EIF4E: variants seen among roughly 807,000 people sequenced by gnomAD.
The protein encoded by EIF4E is eukaryotic translation initiation factor 4E.
For missense variants in EIF4E, 113 were observed against 265.6 expected (o/e 0.43, Z 3.99); for synonymous variants, 71 against 88.5 (o/e 0.80, Z 1.11).
rs1319490808 is a variant in EIF4E, at chr4:98,917,119, CACACACACACACACAA to C, written c.18+11960_18+11975del. 6.8e-4 allele frequency among the ~76,000 whole-genome samples: 41 copies of C among 59,986 alleles called. 1 individual carries two copies. The highest frequency in any genetic ancestry group is 2.8e-3 in the African/African-American group (35 of 12,454). The allele number at this position is 59,986 out of a possible 152,430, so 39.4% of individuals were successfully genotyped here. A position where few individuals can be genotyped will look rare whatever the true frequency, so the allele number is the denominator to read the frequency against. On this transcript the variant is annotated intron_variant, in intron 1 of 6. Transcript: ENST00000450253. ...ACACACACACACACACACACACACA[CACACACACACACACAA>C]AAAAAACCCAAATGCTCAAGTGTCC... is the stretch of plus-strand genomic sequence containing the variant.
In EIF4E at chr4:98,880,003, TAAG is replaced by T. The variant is rs1481983022; in HGVS notation, c.*1022_*1024del. The T allele has an allele frequency of 1.3e-5, 2 of 152,546 alleles. No homozygotes were observed. The highest frequency in any genetic ancestry group is 2.4e-5 in the African/African-American group (1 of 41,442). 9.4% of individuals were successfully genotyped at this position (152,546 alleles called of 1,614,324 possible). On this transcript the variant is annotated 3_prime_UTR_variant, in exon 7 of 7. Transcript: ENST00000450253. ...ACATAATATAGAGACTGCCTTGCAATAAGAAGTACAAATTCCTTCTATAAAGAT... is the reference window on the plus strand; with the variant it reads ...ACATAATATAGAGACTGCCTTGCAATAAGTACAAATTCCTTCTATAAAGAT...
At chr4:98,911,792 A>G (rs998122223) in intron 1 of EIF4E, among the ~76,000 whole-genome samples, 6 of 151,382 alleles carry the variant, frequency 4.0e-5, no homozygotes, top group Non-Finnish European at 1.5e-5. Flanking sequence ...TGCACATATT[A>G]TATAGCTTAA....
At chr4:98,897,880 G>T (rs1312504802) in intron 2 of EIF4E, among the ~76,000 whole-genome samples, 1 of 152,156 alleles carries the variant, frequency 6.6e-6, no homozygotes, top group African/African-American at 2.4e-5. Flanking sequence ...ATAAGAAAAT[G>T]TGTCAACATT....
At chr4:98,928,099 C>G (rs1375718463) in intron 1 of EIF4E, among the ~76,000 whole-genome samples, 3 of 152,184 alleles carry the variant, frequency 2.0e-5, no homozygotes, top group African/African-American at 7.2e-5. Flanking sequence ...TAAACTGCGT[C>G]TCAGAAATCT....
intron 6 of EIF4E, among the ~76,000 whole-genome samples, chr4:98,883,870 T>C (rs2110175490): frequency 6.6e-6 from 1 of 151,902 alleles, no homozygotes; most frequent in East Asian, 1.9e-4. Context: ...AAACCTCTTC[T>C]CTACAAAAAA....
intron 2 of EIF4E, among the ~76,000 whole-genome samples, chr4:98,901,121 G>T (rs181622331): frequency 1.7e-3 from 261 of 151,758 alleles, no homozygotes; most frequent in African/African-American, 5.9e-3. Flanking sequence ...TGCTTCATTT[G>T]ACCTTTTTAG....
intron 1 of EIF4E, among the ~76,000 whole-genome samples, chr4:98,906,796 C>A (rs77399663): frequency 0.02 from 3,038 of 152,158 alleles, 37 homozygotes; most frequent in South Asian, 0.027. Context: ...CTGATCACAC[C>A]CTCTAGAGCC....
chr4:98,905,681 C>A (rs1039375185), intron 1 of EIF4E, among the ~76,000 whole-genome samples: 10 of 152,138 alleles, frequency 6.6e-5, no homozygotes, highest in Non-Finnish European at 1.2e-4. Flanking sequence ...AAGTATTAAA[C>A]CTGGTTTAAG....
At chr4:98,919,554 TTTTC>T (rs1238203966) in intron 1 of EIF4E, among the ~76,000 whole-genome samples, 1 of 148,994 alleles carries the variant, frequency 6.7e-6, no homozygotes, top group African/African-American at 2.5e-5. Flanking sequence ...TCTAGATTCT[TTTTC>T]TTTTTTTTTT....
At chr4:98,883,451 C>T (rs529165524) in intron 6 of EIF4E, among the ~76,000 whole-genome samples, 3 of 127,082 alleles carry the variant, frequency 2.4e-5, no homozygotes, top group South Asian at 4.9e-4. Context: ...CAGGCTGGAG[C>T]GCAGTGGCCC....
intron 1 of EIF4E, among the ~76,000 whole-genome samples, chr4:98,915,429 A>G (rs184841750): frequency 6.6e-6 from 1 of 152,338 alleles, no homozygotes; most frequent in East Asian, 1.9e-4. Flanking sequence ...TATTATAACA[A>G]AGTTATATTA....
chr4:98,905,382 G>C (rs928995328), intron 1 of EIF4E, among the ~76,000 whole-genome samples: 2 of 152,158 alleles, frequency 1.3e-5, no homozygotes, highest in Admixed American at 6.5e-5. Flanking sequence ...ATCTTCCCTT[G>C]AAAAAGCATC....
intron 2 of EIF4E, 193 bp from the exon 3 acceptor site, chr4:98,891,525 G>A (rs1724142176): frequency 1.7e-5 from 10 of 596,650 alleles, no homozygotes; most frequent in Non-Finnish European, 2.7e-5. Flanking sequence ...AAACATGAGG[G>A]GAAGCTAAGG....
At chr4:98,883,106 C>T (rs1002557739) in intron 6 of EIF4E, among the ~76,000 whole-genome samples, 2 of 151,832 alleles carry the variant, frequency 1.3e-5, no homozygotes, top group Admixed American at 6.6e-5. Flanking sequence ...GCCAACATGG[C>T]GAAACCCTGT....
In EIF4E at chr4:98,928,945, C is replaced by T. The variant is rs762505348; in HGVS notation, c.18+150G>A. The T allele has an allele frequency of 3.8e-6, 6 of 1,578,118 alleles. No individual in the cohort carries two copies. The South Asian group carries it at 7.0e-5, about 18-fold the overall frequency. On this transcript the variant is annotated intron_variant, in intron 1 of 6. Transcript: ENST00000450253. ...TCGGCCATCCTCCGGGACGTCCCCA[C>T]TTGTCCGCGGGAGGTCAGGTCCAAC...
At chr4:98,888,883 G>A (rs1014318012) in intron 3 of EIF4E, among the ~76,000 whole-genome samples, 10 of 152,084 alleles carry the variant, frequency 6.6e-5, no homozygotes, top group African/African-American at 2.2e-4. Context: ...TTTAAGGGCC[G>A]GGTGCAGTGG....
chr4:98,901,400 T>C (rs1264388573), intron 2 of EIF4E, among the ~76,000 whole-genome samples: 2 of 152,142 alleles, frequency 1.3e-5, no homozygotes, highest in African/African-American at 2.4e-5. Flanking sequence ...GGTTTCACCA[T>C]GTTGGCCAGG....
chr4:98,916,224 A>T (rs1168922397), intron 1 of EIF4E, among the ~76,000 whole-genome samples: 1 of 150,808 alleles, frequency 6.6e-6, no homozygotes, highest in Non-Finnish European at 1.5e-5. Flanking sequence ...TCAAAGGAAT[A>T]AGTTAAGATT....
intron 1 of EIF4E, among the ~76,000 whole-genome samples, chr4:98,915,573 C>T (rs1296943681): frequency 6.7e-6 from 1 of 148,596 alleles, no homozygotes; most frequent in African/African-American, 2.6e-5. Flanking sequence ...CAGAGTCTTG[C>T]TCTGTCACCC....
Sources: gnomAD v4.1 joint callset for allele counts (sites outside exome capture counted in the v4.1 genomes callset) on GRCh38, gnomAD v4.1.1 for gene constraint, MANE v1.5 for transcripts, NCBI Gene and HGNC (gene_info 2026-07-23, HGNC 2026-07-21) for gene names.